Variants in TMPRSS3 observed in about 807,000 individuals in gnomAD.
The protein encoded by TMPRSS3 is transmembrane protease serine 3.
Under a neutral mutation model 59.6 loss-of-function variants are expected in TMPRSS3, and 55 were observed. The observed-to-expected ratio is 0.92, with a 90% CI of 0.74 to 1.16. The LOEUF is 1.16. Among genes scored for constraint, TMPRSS3 ranks in the 50% most tolerant of loss-of-function variants. The pLI, the probability that TMPRSS3 is intolerant of heterozygous loss-of-function variation, is 0.00. For synonymous variants in TMPRSS3, 257 were observed against 237.7 expected, an observed-to-expected ratio of 1.08 and a Z score of -0.75; for missense variants, 596 against 579.4, an observed-to-expected ratio of 1.03 and a Z score of -0.29.
chr21:42,381,603 C>A (rs225430), intron 9 of TMPRSS3, among the ~76,000 whole-genome samples: 46,959 of 152,100 alleles, frequency 0.31, 8,813 homozygotes, highest in Admixed American at 0.4. Flanking sequence ...CTCTTTCTGC[C>A]TCCAGGTGGC....
At chr21:42,389,867 T>C in intron 3 of TMPRSS3, 60 bp downstream of exon 3, 5 of 1,314,528 alleles carry the variant, frequency 3.8e-6, no homozygotes, top group African/African-American at 1.4e-5. Flanking sequence ...GGGGCGCTCA[T>C]GAAAGTTTAA....
At chr21:42,392,196 T>G (rs1312640014) in intron 2 of TMPRSS3, among the ~76,000 whole-genome samples, 1 of 152,214 alleles carries the variant, frequency 6.6e-6, no homozygotes. Flanking sequence ...TTTCCCTGCC[T>G]GACCGTGGAG....
chr21:42,391,390 A>C (rs949809767), intron 2 of TMPRSS3, among the ~76,000 whole-genome samples: 5 of 152,204 alleles, frequency 3.3e-5, no homozygotes, highest in African/African-American at 4.8e-5. Flanking sequence ...TGCTGTGCAC[A>C]GACACTGACA....
intron 3 of TMPRSS3, among the ~76,000 whole-genome samples, chr21:42,389,699 T>C (rs1196372657): frequency 1.1e-4 from 17 of 152,200 alleles, no homozygotes; most frequent in Non-Finnish European, 2.4e-4. Flanking sequence ...CCGGGCAGGT[T>C]CCTTGGTGAC....
intron 9 of TMPRSS3, among the ~76,000 whole-genome samples, chr21:42,380,647 C>T (rs77895481): frequency 6.6e-6 from 1 of 152,232 alleles, no homozygotes; most frequent in East Asian, 1.9e-4. Flanking sequence ...CCAACGCGTG[C>T]CCACTCCTGG....
chr21:42,388,500 G>A lies in TMPRSS3; in HGVS notation c.349C>T (p.Leu117Phe), dbSNP rs2052673529. 2 of 1,614,210 alleles carry A rather than the reference G, an allele frequency of 1.2e-6. No homozygotes were observed. The highest frequency in any genetic ancestry group is 8.5e-7 in the Non-Finnish European group (1 of 1,180,044). The change falls in exon 5 of 13, where the codon CTC (leucine) becomes TTC (phenylalanine). Residue 117 changes from leucine to phenylalanine, a missense_variant. Transcript: ENST00000644384. This position sits in a 1 kb window ranked among gnomAD's most constrained non-coding sequence, Gnocchi z 5.1. Reference sequence around the variant, plus strand: ...CACGAAGCAGCTGTGAACACCTGGAGCACGGCATTCTGACCACCCACCCGG... The same window carrying A: ...CACGAAGCAGCTGTGAACACCTGGAACACGGCATTCTGACCACCCACCCGG... ...CVRVGGQNAVLQVFTAASWKT... is the reference protein window; with the variant it reads ...CVRVGGQNAVFQVFTAASWKT...
At chr21:42,374,024 C>T (rs570099861) in intron 12 of TMPRSS3, among the ~76,000 whole-genome samples, 4 of 152,274 alleles carry the variant, frequency 2.6e-5, no homozygotes, top group African/African-American at 9.6e-5. Context: ...TACTGCAGAC[C>T]CGTGTGGAGG....
chr21:42,385,677 C>A, intron 5 of TMPRSS3, 143 bp from the exon 6 acceptor site: 1 of 1,108,470 alleles, frequency 9.0e-7, no homozygotes, highest in Non-Finnish European at 1.3e-6. Context: ...GCTTCCTTTG[C>A]CAAGAGAATG....
intron 10 of TMPRSS3, among the ~76,000 whole-genome samples, chr21:42,379,121 A>C (rs1183735114): frequency 6.6e-6 from 1 of 150,950 alleles, no homozygotes; most frequent in African/African-American, 2.4e-5. Context: ...CTGAACCTCA[A>C]ATGGTCCACT....
intron 7 of TMPRSS3, chr21:42,383,546 A>G (rs1026776960): frequency 9.8e-6 from 5 of 507,642 alleles, no homozygotes; most frequent in South Asian, 6.1e-5. Context: ...CCCCCTCCTC[A>G]CTGCCGCTGG....
Position 42,376,482 on chromosome 21 carries a change from A to T in TMPRSS3, c.1191+59T>A, listed in dbSNP as rs1044045779. ...CTGTCACAGGGAAACGCTGGCAACGACCTGTCCCAAGGGCTGGGTCACCCT... is the reference window on the plus strand; with the variant it reads ...CTGTCACAGGGAAACGCTGGCAACGTCCTGTCCCAAGGGCTGGGTCACCCT... On this transcript the variant is annotated intron_variant, in intron 11 of 12. Transcript: ENST00000644384. 9 of 1,608,026 alleles carry T rather than the reference A, an allele frequency of 5.6e-6. No homozygotes were observed. The African/African-American group carries it at 1.2e-4, about 21-fold the overall frequency.
rs140483052 is a variant in TMPRSS3, at chr21:42,384,602, A to C, written c.573-589T>G. On this transcript the variant is annotated intron_variant, in intron 6 of 12. Coordinates refer to ENST00000644384, the MANE Select transcript of TMPRSS3 (RefSeq NM_001256317.3). ...TAATGTTTTCTGCCTTTTGAGCCCC[A>C]GCTCATCATGCAAGAGAAAGCTAGT... Among the ~76,000 whole-genome samples the C allele has an allele frequency of 5.9e-5, 9 of 152,382 alleles. No individual in the cohort carries two copies. In the East Asian group the frequency reaches 1.7e-3, roughly 29 times the overall value.
At chr21:42,395,601 ACAGT>A in intron 1 of TMPRSS3, 133 bp from the exon 2 acceptor site, 1 of 662,230 alleles carries the variant, frequency 1.5e-6, no homozygotes, top group Non-Finnish European at 2.8e-6. Context: ...TTAACCAAAA[ACAGT>A]CATCTGGTGA....
chr21:42,386,349 G>A (rs2052633069), intron 5 of TMPRSS3, among the ~76,000 whole-genome samples: 1 of 152,250 alleles, frequency 6.6e-6, no homozygotes, highest in South Asian at 2.1e-4. Flanking sequence ...TCAACTTTGA[G>A]TTTTGAGGAA....
chr21:42,385,635 G>T, intron 5 of TMPRSS3, 101 bp from the exon 6 acceptor site: 3 of 1,486,674 alleles, frequency 2.0e-6, no homozygotes, highest in Non-Finnish European at 9.3e-7. Flanking sequence ...GTACATGGGG[G>T]ATGTCATTTT....
At chr21:42,375,221 G>A (rs1285199696) in intron 12 of TMPRSS3, among the ~76,000 whole-genome samples, 8 of 52,748 alleles carry the variant, frequency 1.5e-4, no homozygotes, top group East Asian at 4.2e-4. Flanking sequence ...CTCCCCCTCC[G>A]GGACCCCCCA....
chr21:42,381,207 C>G (rs1256690224), intron 9 of TMPRSS3, among the ~76,000 whole-genome samples: 1 of 152,130 alleles, frequency 6.6e-6, no homozygotes, highest in Admixed American at 6.5e-5. Flanking sequence ...TTTGCATCTA[C>G]GAGATGTTTG....
chr21:42,393,062 C>G (rs571056311), intron 2 of TMPRSS3, among the ~76,000 whole-genome samples: 19 of 152,226 alleles, frequency 1.2e-4, no homozygotes, highest in Non-Finnish European at 2.5e-4. Flanking sequence ...CTGCCCAACA[C>G]GGTGAAACCC....
chr21:42,388,595 C>T lies in TMPRSS3; in HGVS notation c.323-69G>A, dbSNP rs1332208535. ...ACCCTGAGACCATAGGCAGGGGTTT[C>T]TCCACAGCCAGCTCAAACCCCTCCT... On this transcript the variant is annotated intron_variant, in intron 4 of 12. Transcript: ENST00000644384. The surrounding 1 kb of genome is among the most constrained non-coding windows in gnomAD (Gnocchi z 5.1). 2 of 1,610,640 alleles carry T rather than the reference C, an allele frequency of 1.2e-6. No individual in the cohort carries two copies. Among genetic ancestry groups the T allele is most frequent in the Non-Finnish European group, 1.7e-6 (2 of 1,178,138 alleles).
Sources: gnomAD v4.1 joint callset for allele counts (sites outside exome capture counted in the v4.1 genomes callset) on GRCh38, gnomAD v4.1.1 for gene constraint, Gnocchi (gnomAD v3.1) non-coding constraint, MANE v1.5 for transcripts, NCBI Gene and HGNC (gene_info 2026-07-23, HGNC 2026-07-21) for gene names.